ZNF608: variants seen among roughly 807,000 people sequenced by gnomAD.
ZNF608 encodes the protein zinc finger protein 608, also known as renal carcinoma antigen NY-REN-36.
ZNF608 carries 12 observed loss-of-function variants against 109.0 expected under a neutral mutation model. The observed-to-expected ratio is 0.11, with a 90% CI of 0.07 to 0.18. The LOEUF is 0.18. ZNF608 is among the 10% of genes least tolerant of loss of function. The probability of loss-of-function intolerance (pLI) is 1.00; values close to 1 mark genes in which losing one functional copy is unlikely to be tolerated. For missense variants in ZNF608, 1,707 were observed against 1,879.3 expected, an observed-to-expected ratio of 0.91 and a Z score of 1.70; for synonymous variants, 732 against 717.4, an observed-to-expected ratio of 1.02 and a Z score of -0.33.
rs1750523719 is a variant in ZNF608, at chr5:124,646,694, G to T, written c.3690C>A (p.Thr1230=). 1 of 1,610,478 alleles carries T rather than the reference G, an allele frequency of 6.2e-7. No individual in the cohort carries two copies. The highest frequency in any genetic ancestry group is 8.5e-7 in the Non-Finnish European group (1 of 1,177,286). The change falls in exon 5 of 10, where the codon ACC becomes ACA. Residue 1230 remains threonine, a synonymous_variant. Transcript: ENST00000513986. ...DSMKQTGVDP[T]SRFKQDPDSR... Reference sequence around the variant, plus strand: ...ACAATCTTACTTGTTTAAATCTCGAGGTTGGGTCTACACCTGTCTGCTTCA... The same window carrying T: ...ACAATCTTACTTGTTTAAATCTCGATGTTGGGTCTACACCTGTCTGCTTCA...
intron 3 of ZNF608, among the ~76,000 whole-genome samples, chr5:124,694,142 ATTTTTTTTTTTTTT>A (rs11320730): frequency 1.6e-5 from 1 of 63,938 alleles, no homozygotes; most frequent in African/African-American, 5.5e-5. Flanking sequence ...CGCTCGGCTA[ATTTTTTTTTTTTTT>A]TTTTTTTTTT....
intron 3 of ZNF608, among the ~76,000 whole-genome samples, chr5:124,678,126 G>A (rs1561553973): frequency 6.6e-6 from 1 of 152,144 alleles, no homozygotes; most frequent in African/African-American, 2.4e-5. Context: ...CCTTCAGCTT[G>A]TAAAGTTCAA....
At chr5:124,748,613 A>G (rs1454863029), upstream of ZNF608, 4 of 974,930 alleles carry the variant, frequency 4.1e-6, no homozygotes, top group Non-Finnish European at 4.9e-6. Flanking sequence ...TTTGGAAATT[A>G]TAATCTCTTC....
At chr5:124,659,219 G>GA (rs1490406260) in intron 3 of ZNF608, among the ~76,000 whole-genome samples, 65 of 151,108 alleles carry the variant, frequency 4.3e-4, no homozygotes, top group Middle Eastern at 6.8e-3. Context: ...ACTTCGACTA[G>GA]AAAAAAACAG....
Position 124,744,262 on chromosome 5 carries a change from T to C in ZNF608, c.728A>G (p.Asn243Ser), listed in dbSNP as rs912403419. The C allele has an allele frequency of 6.2e-7, 1 of 1,613,414 alleles. No homozygotes were observed. The highest frequency in any genetic ancestry group is 1.3e-5 in the African/African-American group (1 of 74,934). ...GHLYGFGAKS[N>S]GGGASPFHCG... ...GTGGAAGGGGCTCGCGCCACCTCCATTGCTCTTGGCCCCAAAGCCATAGAG... is the reference window on the plus strand; with the variant it reads ...GTGGAAGGGGCTCGCGCCACCTCCACTGCTCTTGGCCCCAAAGCCATAGAG... Residue 243 changes from asparagine to serine, a missense_variant, in exon 2 of 10, where the codon AAT (asparagine) becomes AGT (serine). Around this residue, in one of 7 missense-constraint regions of ZNF608, gnomAD observed 407 missense variants for 398.7 expected, o/e 1.02. Transcript: ENST00000513986. This position sits in a 1 kb window ranked among gnomAD's most constrained non-coding sequence, Gnocchi z 4.5.
chr5:124,710,466 G>A, intron 2 of ZNF608: 1 of 310,438 alleles, frequency 3.2e-6, no homozygotes, highest in Non-Finnish European at 6.3e-6. Context: ...ATAAAGCTAT[G>A]CGGTGAGCTG....
intron 9 of ZNF608, among the ~76,000 whole-genome samples, 170 bp from the exon 10 acceptor site, chr5:124,638,076 G>A (rs143283979): frequency 0.026 from 3,956 of 151,072 alleles, 184 homozygotes; most frequent in African/African-American, 0.091. Flanking sequence ...TCAGCCTCCC[G>A]AGTAGCTGGG....
At chr5:124,740,930 T>G (rs1749367825) in intron 2 of ZNF608, among the ~76,000 whole-genome samples, 1 of 152,156 alleles carries the variant, frequency 6.6e-6, no homozygotes, top group African/African-American at 2.4e-5. Context: ...TGCCTCCCTA[T>G]CTGATAAGTC....
chr5:124,664,068 G>A (rs1751381058), intron 3 of ZNF608, among the ~76,000 whole-genome samples: 2 of 152,236 alleles, frequency 1.3e-5, no homozygotes, highest in South Asian at 2.1e-4. Flanking sequence ...ACTACGATGG[G>A]CTAACAGGAC....
At chr5:124,658,411 G>A (rs1751106676) in intron 3 of ZNF608, among the ~76,000 whole-genome samples, 1 of 152,206 alleles carries the variant, frequency 6.6e-6, no homozygotes, top group South Asian at 2.1e-4. Context: ...TATAGAGTGT[G>A]TGTCTGTATA....
chr5:124,725,540 A>C (rs1260773304), intron 2 of ZNF608, among the ~76,000 whole-genome samples: 1 of 152,182 alleles, frequency 6.6e-6, no homozygotes. Context: ...TTGCTGTCAG[A>C]ACACAAAATG....
intron 3 of ZNF608, among the ~76,000 whole-genome samples, chr5:124,671,684 G>A (rs929289295): frequency 1.4e-5 from 2 of 147,102 alleles, no homozygotes; most frequent in African/African-American, 5.1e-5. Flanking sequence ...ACCCCAGAGT[G>A]CAGTGGCAGG....
At chr5:124,682,405 A>T (rs1418328393) in intron 3 of ZNF608, among the ~76,000 whole-genome samples, 1 of 152,226 alleles carries the variant, frequency 6.6e-6, no homozygotes, top group Non-Finnish European at 1.5e-5. Flanking sequence ...AGCTATTGGA[A>T]AATGTGCACC....
intron 2 of ZNF608, among the ~76,000 whole-genome samples, chr5:124,733,395 AG>A (rs1748997250): frequency 6.6e-6 from 1 of 152,130 alleles, no homozygotes; most frequent in African/African-American, 2.4e-5. Flanking sequence ...GGCTTCTACA[AG>A]CACAATGAGG....
At chr5:124,691,348 C>T (rs569638821) in intron 3 of ZNF608, among the ~76,000 whole-genome samples, 1 of 152,158 alleles carries the variant, frequency 6.6e-6, no homozygotes, top group African/African-American at 2.4e-5. Flanking sequence ...AAATGGCCAA[C>T]AAGTATGTGT....
At chr5:124,714,502 AGT>A (rs1753618974) in intron 2 of ZNF608, among the ~76,000 whole-genome samples, 1 of 152,180 alleles carries the variant, frequency 6.6e-6, no homozygotes. Flanking sequence ...AATAAATAGG[AGT>A]GTGGTCTCTG....
At chr5:124,666,368 T>C (rs1751479255) in intron 3 of ZNF608, 1 of 152,248 alleles carries the variant, frequency 6.6e-6, no homozygotes, top group South Asian at 2.1e-4. Flanking sequence ...CTGGATGCAA[T>C]CCATGTCCTC....
At chr5:124,658,171 G>A (rs978681611) in intron 3 of ZNF608, among the ~76,000 whole-genome samples, 1 of 152,102 alleles carries the variant, frequency 6.6e-6, no homozygotes, top group Non-Finnish European at 1.5e-5. Context: ...AGTCCCCTGA[G>A]CTTGCTTCAG....
intron 5 of ZNF608, among the ~76,000 whole-genome samples, chr5:124,644,977 G>A (rs1750431602): frequency 6.6e-6 from 1 of 152,188 alleles, no homozygotes; most frequent in Non-Finnish European, 1.5e-5. Flanking sequence ...CTGAAATTCA[G>A]AGCTGGGCCC....
Sources: gnomAD v4.1 joint callset for allele counts (sites outside exome capture counted in the v4.1 genomes callset) on GRCh38, gnomAD v4.1.1 for gene constraint, gnomAD v4.1.1 regional missense constraint, Gnocchi (gnomAD v3.1) non-coding constraint, MANE v1.5 for transcripts, NCBI Gene and HGNC (gene_info 2026-07-23, HGNC 2026-07-21) for gene names.